The following SLC5A7 variants were observed in gnomAD, a reference collection of about 807,000 sequenced individuals.
SLC5A7 encodes solute carrier family 5 member 7, also known as high affinity choline transporter 1.
Under a neutral mutation model 55.4 loss-of-function variants are expected in SLC5A7, and 19 were observed. The ratio of observed to expected loss-of-function variants is 0.34; its 90% CI spans 0.24 to 0.50. SLC5A7 has a LOEUF of 0.50. Among genes scored for constraint, SLC5A7 ranks in the 20% least tolerant of loss-of-function variants. SLC5A7 has a pLI of 0.98. For synonymous variants in SLC5A7, 265 were observed against 263.7 expected (o/e 1.00, Z -0.05); for missense variants, 506 against 705.3 (o/e 0.72, Z 3.20).
chr2:107,988,147 T>C lies in SLC5A7; in HGVS notation c.-9T>C. On this transcript the variant is annotated 5_prime_UTR_variant, in exon 2 of 9. Coordinates refer to ENST00000264047, the MANE Select transcript of SLC5A7 (RefSeq NM_021815.5). ...CCAGCTGCAGAAGAATCTGGATCAT[T>C]AGATAAAAATGGCTTTCCATGTGGA... 2 of 1,610,516 alleles carry C rather than the reference T, an allele frequency of 1.2e-6. No homozygotes were observed. Among genetic ancestry groups the C allele is most frequent in the Non-Finnish European group, 1.7e-6 (2 of 1,177,246 alleles).
chr2:107,987,880 T>A (rs1242233657), intron 1 of SLC5A7, among the ~76,000 whole-genome samples: 1 of 152,224 alleles, frequency 6.6e-6, no homozygotes, highest in African/African-American at 2.4e-5. Flanking sequence ...CATTTCCGTT[T>A]TTTTTTCTGT....
At chr2:107,990,011 C>T (rs1573589280) in intron 2 of SLC5A7, among the ~76,000 whole-genome samples, 1 of 152,010 alleles carries the variant, frequency 6.6e-6, no homozygotes. Context: ...TCAAAATAAC[C>T]TTGGTCAATA....
chr2:108,010,024 C>T (rs1481188577), intron 8 of SLC5A7, among the ~76,000 whole-genome samples: 1 of 152,172 alleles, frequency 6.6e-6, no homozygotes, highest in Non-Finnish European at 1.5e-5. Flanking sequence ...ATCTGGTACA[C>T]AGAAACCCCT....
At chr2:107,995,017 C>A (rs1677612161) in intron 4 of SLC5A7, among the ~76,000 whole-genome samples, 3 of 152,132 alleles carry the variant, frequency 2.0e-5, no homozygotes, top group Non-Finnish European at 2.9e-5. Context: ...GTGTTTGTGC[C>A]TGTATTACAA....
At position 108,006,147 on chromosome 2, in the gene SLC5A7, G is replaced by T. The variant is rs753354552; in HGVS notation, c.840G>T (p.Gly280=). The T allele has an allele frequency of 1.2e-6, 2 of 1,613,786 alleles. No homozygotes were observed. The highest frequency in any genetic ancestry group is 2.7e-5 in the African/African-American group (2 of 74,848). The part of the protein sequence containing the change: ...AQVLSFLAAF[G]CLVMAIPAIL... ...TGCTGTCCTTCCTGGCAGCTTTCGG[G>T]TGCCTGGTGATGGCCATCCCAGCCA... Residue 280 remains glycine, a synonymous_variant, in exon 7 of 9, where the codon GGG becomes GGT. Coordinates refer to ENST00000264047, the MANE Select transcript of SLC5A7 (RefSeq NM_021815.5).
At chr2:108,007,018 T>C (rs1012653155) in intron 7 of SLC5A7, among the ~76,000 whole-genome samples, 1 of 152,196 alleles carries the variant, frequency 6.6e-6, no homozygotes, top group African/African-American at 2.4e-5. Context: ...AATGTTTATC[T>C]CCCTGTTAGC....
rs758648084 is a variant in SLC5A7, at chr2:108,002,013, C to T, written c.714C>T (p.Tyr238=). Residue 238 remains tyrosine, a synonymous_variant, in exon 6 of 9, where the codon TAC becomes TAT. Coordinates refer to ENST00000264047, the MANE Select transcript of SLC5A7 (RefSeq NM_021815.5). ...GAACTGTTGACTCATCTGAAGTCTA[C>T]TCTTGGCTTGATAGTTTTCTGTTGT... ...WLGTVDSSEV[Y]SWLDSFLLLM... 3 of 1,614,138 alleles carry T rather than the reference C, an allele frequency of 1.9e-6. No homozygotes were observed. Among genetic ancestry groups the T allele is most frequent in the East Asian group, 2.2e-5 (1 of 44,878 alleles).
Position 108,010,982 on chromosome 2 carries a change from A to T in SLC5A7, c.*121A>T. The T allele has an allele frequency of 1.8e-6, 2 of 1,115,530 alleles. No individual in the cohort carries two copies. Among genetic ancestry groups the T allele is most frequent in the Non-Finnish European group, 2.4e-6 (2 of 841,878 alleles). The allele number at this position is 1,115,530 out of a possible 1,614,324, so 69.1% of individuals were successfully genotyped here. On this transcript the variant is annotated 3_prime_UTR_variant, in exon 9 of 9. Transcript: ENST00000264047. The stretch of plus-strand genomic sequence containing the variant: ...ATAAACAATGTTCAGGAGAGTAAAA[A>T]TTCATATAAAGTGCAATTGCACAAA...
At chr2:108,004,527 C>A (rs191519868) in intron 6 of SLC5A7, among the ~76,000 whole-genome samples, 1 of 152,138 alleles carries the variant, frequency 6.6e-6, no homozygotes, top group Admixed American at 6.5e-5. Context: ...GTTAATGAAA[C>A]CTTAATACAT....
At chr2:107,998,374 A>C (rs984248501) in intron 5 of SLC5A7, among the ~76,000 whole-genome samples, 3 of 152,226 alleles carry the variant, frequency 2.0e-5, no homozygotes, top group African/African-American at 7.2e-5. Flanking sequence ...GAATCCTAAG[A>C]ATGCTCATAA....
Position 108,011,717 on chromosome 2 carries a change from A to G in SLC5A7, c.*856A>G, listed in dbSNP as rs1029217203. Reference sequence around the variant, plus strand: ...AAATAAGTAACATATAAATTAATACATAAGTTAATATTGGAAGTGAAATTA... The same window carrying G: ...AAATAAGTAACATATAAATTAATACGTAAGTTAATATTGGAAGTGAAATTA... On this transcript the variant is annotated 3_prime_UTR_variant, in exon 9 of 9. Transcript: ENST00000264047. 1 of 152,172 alleles carries G rather than the reference A, an allele frequency of 6.6e-6. No individual in the cohort carries two copies. Among genetic ancestry groups the G allele is most frequent in the Non-Finnish European group, 1.5e-5 (1 of 68,020 alleles). 9.4% of individuals were successfully genotyped at this position (152,172 alleles called of 1,614,324 possible).
intron 6 of SLC5A7, among the ~76,000 whole-genome samples, chr2:108,003,534 A>T (rs1413545838): frequency 6.6e-6 from 1 of 152,236 alleles, no homozygotes; most frequent in Non-Finnish European, 1.5e-5. Context: ...GAAATGTTGC[A>T]TCAATGGTCT....
Position 108,001,964 on chromosome 2 carries a change from C to A in SLC5A7, c.665C>A (p.Ala222Asp). 6 of 1,614,178 alleles carry A rather than the reference C, an allele frequency of 3.7e-6. No homozygotes were observed. Among genetic ancestry groups the A allele is most frequent in the Non-Finnish European group, 5.1e-6 (6 of 1,180,032 alleles). ...VADIGFTAVH[A>D]KYQKPWLGTV... ...GACATCGGGTTCACTGCTGTGCATG[C>A]CAAATACCAAAAGCCGTGGCTGGGA... Residue 222 changes from alanine (A) to aspartate (D), a missense_variant, in exon 6 of 9, where the codon GCC becomes GAC. By Grantham distance (126) the Ala-to-Asp change is moderately radical. Transcript: ENST00000264047.
At chr2:107,998,260 A>G (rs1677754359) in intron 5 of SLC5A7, among the ~76,000 whole-genome samples, 1 of 152,236 alleles carries the variant, frequency 6.6e-6, no homozygotes, top group African/African-American at 2.4e-5. Context: ...AAACTTATGC[A>G]TGATCTCCTT....
chr2:107,994,434 T>A (rs1037783043), intron 4 of SLC5A7, among the ~76,000 whole-genome samples: 2 of 151,830 alleles, frequency 1.3e-5, no homozygotes, highest in Non-Finnish European at 2.9e-5. Context: ...ATACAAAAAA[T>A]TAGCCAGGCG....
intron 7 of SLC5A7, among the ~76,000 whole-genome samples, chr2:108,007,742 T>TA (rs544917110): frequency 6.6e-6 from 1 of 152,126 alleles, no homozygotes; most frequent in Non-Finnish European, 1.5e-5. Context: ...ATCATGATAT[T>TA]AAAAAAGTTC....
Position 108,010,178 on chromosome 2 carries a change from C to T in SLC5A7, c.1114-54C>T, listed in dbSNP as rs1678263364. 7 of 1,556,960 alleles carry T rather than the reference C, an allele frequency of 4.5e-6. No homozygotes were observed. In the East Asian group the frequency reaches 1.1e-4, roughly 25 times the overall value. On this transcript the variant is annotated intron_variant, in intron 8 of 8. Coordinates refer to ENST00000264047, the MANE Select transcript of SLC5A7 (RefSeq NM_021815.5). The stretch of plus-strand genomic sequence containing the variant: ...GCAAAAAATATGTCTCATTCTTTGC[C>T]TAAATGAGCCAAGACACTGTGCAAA...
Position 108,010,800 on chromosome 2 carries a change from A to G in SLC5A7, c.1682A>G (p.Glu561Gly), listed in dbSNP as rs1678300233. The G allele has an allele frequency of 6.2e-7, 1 of 1,612,516 alleles. No individual in the cohort carries two copies. The highest frequency in any genetic ancestry group is 8.5e-7 in the Non-Finnish European group (1 of 1,179,626). ...MTLSSTFTNK[E>G]AFLDVDSSPE... ...CTCAGCTCAACTTTCACCAATAAAG[A>G]GGCCTTCCTTGATGTTGATTCCAGT... The change falls in exon 9 of 9, where the codon GAG (glutamate) becomes GGG (glycine). Residue 561 changes from glutamate to glycine, a missense_variant. Glu to Gly is a moderately conservative substitution (Grantham distance 98). Transcript: ENST00000264047.
At chr2:108,009,048 A>G (rs1399571173) in intron 8 of SLC5A7, among the ~76,000 whole-genome samples, 1 of 151,986 alleles carries the variant, frequency 6.6e-6, no homozygotes, top group African/African-American at 2.4e-5. Flanking sequence ...TGGTGGAAGC[A>G]GGGCATGGTA....
Sources: gnomAD v4.1 joint callset for allele counts (sites outside exome capture counted in the v4.1 genomes callset) on GRCh38, gnomAD v4.1.1 for gene constraint, MANE v1.5 for transcripts, NCBI Gene and HGNC (gene_info 2026-07-23, HGNC 2026-07-21) for gene names.